The following WWC1 variants were observed in gnomAD, a reference collection of about 807,000 sequenced individuals.
WWC1 encodes the protein WW and C2 domain containing 1.
Under a neutral mutation model 138.4 loss-of-function variants are expected in WWC1, and 55 were observed. The observed-to-expected ratio is 0.40, with a 90% CI of 0.32 to 0.50. The LOEUF (loss-of-function observed/expected upper bound fraction) is 0.50, where lower values mean the gene tolerates loss of function less well. Among genes scored for constraint, WWC1 ranks in the 20% least tolerant of loss-of-function variants. The pLI is 0.72. For missense variants in WWC1, 1,226 were observed against 1,420.4 expected (o/e 0.86, Z 2.20); for synonymous variants, 524 against 564.9 (o/e 0.93, Z 1.03).
chr5:168,420,698 G>A lies in WWC1; in HGVS notation c.1185-1310G>A, dbSNP rs1781024120. 6.6e-5 allele frequency among the ~76,000 whole-genome samples: 10 copies of A among 152,192 alleles called. 1 individual carries two copies. In the South Asian group the frequency reaches 1.9e-3, roughly 28 times the overall value. ...CCTCTTAGCAGATGCCATCTGCAGGGCCACTTGGCTGCCCGTAGCAGTAAC... is the reference window on the plus strand; with the variant it reads ...CCTCTTAGCAGATGCCATCTGCAGGACCACTTGGCTGCCCGTAGCAGTAAC... On this transcript the variant is annotated intron_variant, in intron 9 of 22. Transcript: ENST00000265293.
intron 9 of WWC1, among the ~76,000 whole-genome samples, chr5:168,419,315 A>G (rs1780900934): frequency 6.6e-6 from 1 of 151,932 alleles, no homozygotes; most frequent in African/African-American, 2.4e-5. Context: ...CATGGAAGGT[A>G]TAATAATATG....
At chr5:168,348,457 C>A (rs1774662396) in intron 1 of WWC1, among the ~76,000 whole-genome samples, 1 of 152,226 alleles carries the variant, frequency 6.6e-6, no homozygotes, top group African/African-American at 2.4e-5. Flanking sequence ...AAGGGCCACA[C>A]ATCATTGTCC....
intron 2 of WWC1, among the ~76,000 whole-genome samples, chr5:168,373,036 G>T (rs1776875911): frequency 6.6e-6 from 1 of 152,220 alleles, no homozygotes; most frequent in Non-Finnish European, 1.5e-5. Context: ...ATTGTTGGGG[G>T]TAGCAAAGGT....
At chr5:168,464,252 A>G (rs888509891) in intron 20 of WWC1, among the ~76,000 whole-genome samples, 2 of 152,208 alleles carry the variant, frequency 1.3e-5, no homozygotes, top group Admixed American at 6.5e-5. Context: ...TCAAGCAGGA[A>G]CAGACCTGTA....
intron 1 of WWC1, among the ~76,000 whole-genome samples, chr5:168,309,312 G>A (rs1369862972): frequency 2.6e-5 from 4 of 152,100 alleles, no homozygotes; most frequent in Non-Finnish European, 4.4e-5. Context: ...GACAAGCACC[G>A]CAAACAACAA....
chr5:168,459,316 A>AC (rs1756603457), intron 19 of WWC1, among the ~76,000 whole-genome samples: 1 of 151,732 alleles, frequency 6.6e-6, no homozygotes, highest in African/African-American at 2.4e-5. Flanking sequence ...ACCACATGCA[A>AC]CCAGTTTATA....
At chr5:168,319,296 T>G (rs928657366) in intron 1 of WWC1, among the ~76,000 whole-genome samples, 5 of 152,108 alleles carry the variant, frequency 3.3e-5, no homozygotes, top group African/African-American at 1.2e-4. Context: ...GGCGGGTGCC[T>G]GTAATCCCAG....
rs747279637 is a variant in WWC1, at chr5:168,467,977, C to T, written c.3275+13C>T. On this transcript the variant is annotated intron_variant, in intron 22 of 22. Transcript: ENST00000265293. ...TTCAGTCTTTCAGGTAAGCAGAGGGCCCCGGCAGCCCCCCATCCCTTTCTC... is the reference window on the plus strand; with the variant it reads ...TTCAGTCTTTCAGGTAAGCAGAGGGTCCCGGCAGCCCCCCATCCCTTTCTC... 3.7e-6 allele frequency: 6 copies of T among 1,613,740 alleles called. No homozygotes were observed. The highest frequency in any genetic ancestry group is 2.7e-5 in the African/African-American group (2 of 75,056).
intron 1 of WWC1, among the ~76,000 whole-genome samples, chr5:168,344,688 G>A (rs1236971686): frequency 6.6e-6 from 1 of 152,344 alleles, no homozygotes; most frequent in East Asian, 1.9e-4. Context: ...CATTGCGTCT[G>A]TCACAGCAGG....
chr5:168,464,726 C>T lies in WWC1; in HGVS notation c.2917-3C>T. 6.2e-7 allele frequency: 1 copy of T among 1,614,184 alleles called. No individual in the cohort carries two copies. Among genetic ancestry groups the T allele is most frequent in the Non-Finnish European group, 8.5e-7 (1 of 1,180,024 alleles). On this transcript the variant is annotated splice_region_variant and splice_polypyrimidine_tract_variant and intron_variant, in intron 20 of 22. Transcript: ENST00000265293. ...ACAAGAGAAGCCGTCCCCACCCCCA[C>T]AGCCTTCCTCGGTCAAGTCGCTGCG...
chr5:168,437,293 T>C (rs1253836212), intron 15 of WWC1, among the ~76,000 whole-genome samples: 2 of 152,192 alleles, frequency 1.3e-5, no homozygotes, highest in East Asian at 1.9e-4. Flanking sequence ...ACAGCACCTT[T>C]TATCACCTAA....
chr5:168,455,259 G>A (rs1432443152), intron 18 of WWC1, 97 bp from the exon 19 acceptor site: 13 of 1,394,558 alleles, frequency 9.3e-6, no homozygotes, highest in Middle Eastern at 3.8e-4. Flanking sequence ...GGGAAAAGGT[G>A]AGGTGACAGG....
intron 17 of WWC1, among the ~76,000 whole-genome samples, chr5:168,452,375 C>T (rs1403070075): frequency 6.6e-6 from 1 of 152,108 alleles, no homozygotes; most frequent in Non-Finnish European, 1.5e-5. Context: ...GTGGTTAACA[C>T]GAGACCATTG....
Position 168,468,976 on chromosome 5 carries a change from C to G in WWC1, c.3301C>G (p.Pro1101Ala). ...GGAGAAGATGGCATTTTTCACCCGG[C>G]CTCGGATGAATATCCCAGCTCTCTC... is the stretch of plus-strand genomic sequence containing the variant. ...FREKMAFFTR[P>A]RMNIPALSAD... The change falls in exon 23 of 23, where the codon CCT (proline) becomes GCT (alanine). Residue 1101 changes from proline (P) to alanine (A), a missense_variant. Pro to Ala is a conservative substitution (Grantham distance 27, BLOSUM62 -1). Coordinates refer to ENST00000265293, the MANE Select transcript of WWC1 (RefSeq NM_015238.3). The G allele has an allele frequency of 2.5e-6, 4 of 1,614,218 alleles. No homozygotes were observed. The highest frequency in any genetic ancestry group is 3.4e-6 in the Non-Finnish European group (4 of 1,180,036).
At chr5:168,404,478 A>T (rs1260870749) in intron 5 of WWC1, among the ~76,000 whole-genome samples, 1 of 152,218 alleles carries the variant, frequency 6.6e-6, no homozygotes, top group Admixed American at 6.5e-5. Flanking sequence ...TGGAGGCTGA[A>T]GTAACCGCAG....
At chr5:168,418,592 A>G (rs1340647762) in intron 9 of WWC1, among the ~76,000 whole-genome samples, 1 of 152,148 alleles carries the variant, frequency 6.6e-6, no homozygotes. Context: ...GCACCTGTGC[A>G]TTGCTAGCAG....
At chr5:168,330,721 G>GAAGA (rs1772959521) in intron 1 of WWC1, among the ~76,000 whole-genome samples, 1 of 152,174 alleles carries the variant, frequency 6.6e-6, no homozygotes, top group African/African-American at 2.4e-5. Context: ...CAGAGAGAAG[G>GAAGA]ATGCAGTGAG....
At chr5:168,408,464 T>A in intron 6 of WWC1, 43 bp from the exon 7 acceptor site, 1 of 1,605,302 alleles carries the variant, frequency 6.2e-7, no homozygotes. Flanking sequence ...CAGAGCTCCC[T>A]CCTGGGAAGG....
chr5:168,412,046 G>T, intron 8 of WWC1: 1 of 985,416 alleles, frequency 1.0e-6, no homozygotes, highest in Non-Finnish European at 1.2e-6. Flanking sequence ...ATCTGTATTT[G>T]GACAGCCACT....
Sources: allele counts gnomAD v4.1 joint callset (sites outside exome capture counted in the v4.1 genomes callset), GRCh38; gene constraint gnomAD v4.1.1; transcripts MANE v1.5; gene names NCBI Gene and HGNC (gene_info 2026-07-23, HGNC 2026-07-21).